Variants in PRDM5 observed in about 807,000 individuals in gnomAD.
PRDM5 encodes PR/SET domain 5, also known as PR domain zinc finger protein 5.
PRDM5 carries 56 observed loss-of-function variants against 81.2 expected under a neutral mutation model. The ratio of observed to expected loss-of-function variants is 0.69; its 90% CI spans 0.56 to 0.86. PRDM5 has a LOEUF of 0.86. Ranked by LOEUF, PRDM5 falls within the 40% of genes least tolerant of loss-of-function variation. The pLI, the probability that PRDM5 is intolerant of heterozygous loss-of-function variation, is 0.00. For synonymous variants in PRDM5, 267 were observed against 256.4 expected, an observed-to-expected ratio of 1.04 and a Z score of -0.39; for missense variants, 697 against 770.1, an observed-to-expected ratio of 0.91 and a Z score of 1.12.
At chr4:120,809,529 G>A (rs1312280309) in intron 8 of PRDM5, among the ~76,000 whole-genome samples, 2 of 152,102 alleles carry the variant, frequency 1.3e-5, no homozygotes, top group Non-Finnish European at 2.9e-5. Flanking sequence ...AAAATTTACA[G>A]TGTACCAAAT....
At position 120,811,380 on chromosome 4, in the gene PRDM5, T is replaced by C. The variant is rs1753813758; in HGVS notation, c.935A>G (p.Glu312Gly). Reference sequence around the variant, plus strand: ...TTTTATCTTACTGACCTTTCTATGTTCCTGTAGGCTTGATGCTGAAGAACA... The same window carrying C: ...TTTTATCTTACTGACCTTTCTATGTCCCTGTAGGCTTGATGCTGAAGAACA... ...KKCSSASSLQ[E>G]HRKIHEIFDC... The change falls in exon 8 of 16, where the codon GAA (glutamate) becomes GGA (glycine). Residue 312 changes from glutamate to glycine, a missense_variant. Glu to Gly is a moderately conservative substitution (Grantham distance 98). Coordinates refer to ENST00000264808, the MANE Select transcript of PRDM5 (RefSeq NM_018699.4). 1.3e-6 allele frequency: 2 copies of C among 1,593,386 alleles called. No individual in the cohort carries two copies. The highest frequency in any genetic ancestry group is 4.5e-5 in the East Asian group (2 of 44,384).
At chr4:120,749,022 C>T (rs1198519032) in intron 14 of PRDM5, among the ~76,000 whole-genome samples, 1 of 152,048 alleles carries the variant, frequency 6.6e-6, no homozygotes, top group African/African-American at 2.4e-5. Context: ...GAAAAGTTAT[C>T]CTCAAAAACC....
At chr4:120,686,737 C>T (rs1045656697) in intron 1 of PRDM5, among the ~76,000 whole-genome samples, 4 of 151,934 alleles carry the variant, frequency 2.6e-5, no homozygotes, top group African/African-American at 9.7e-5. Flanking sequence ...CATTCCCTTC[C>T]CCTTCCCCAA....
At chr4:120,858,926 G>T (rs2667193) in intron 2 of PRDM5, among the ~76,000 whole-genome samples, 4,624 of 152,228 alleles carry the variant, frequency 0.03, 236 homozygotes, top group African/African-American at 0.11. Flanking sequence ...TGTCATCCAA[G>T]GCTCTGACTA....
intron 2 of PRDM5, among the ~76,000 whole-genome samples, chr4:120,897,972 A>G (rs1193176476): frequency 1.3e-5 from 2 of 152,126 alleles, no homozygotes; most frequent in Non-Finnish European, 2.9e-5. Flanking sequence ...ATTTTTAGTG[A>G]TATGGTCCTA....
At chr4:120,775,844 A>C (rs1029753140) in intron 13 of PRDM5, among the ~76,000 whole-genome samples, 2 of 152,154 alleles carry the variant, frequency 1.3e-5, no homozygotes, top group East Asian at 3.9e-4. Context: ...CCACAAATAC[A>C]CATAAAAGAG....
At chr4:120,882,362 G>A (rs907829183) in intron 2 of PRDM5, among the ~76,000 whole-genome samples, 1 of 152,156 alleles carries the variant, frequency 6.6e-6, no homozygotes, top group Non-Finnish European at 1.5e-5. Flanking sequence ...TGGCCAGGCT[G>A]GTTTCGAACT....
intron 13 of PRDM5, among the ~76,000 whole-genome samples, chr4:120,768,526 CA>C (rs1252252093): frequency 2.2e-4 from 33 of 152,222 alleles, no homozygotes; most frequent in African/African-American, 7.5e-4. Context: ...AAGCAAAGTA[CA>C]GTGTAATATA....
chr4:120,742,134 C>G (rs1742115311), intron 14 of PRDM5, among the ~76,000 whole-genome samples: 1 of 152,242 alleles, frequency 6.6e-6, no homozygotes, highest in Non-Finnish European at 1.5e-5. Context: ...ACCCCCCGAG[C>G]AGCCTAACTG....
chr4:120,701,176 AC>A (rs1735304468), intron 15 of PRDM5, among the ~76,000 whole-genome samples: 1 of 151,956 alleles, frequency 6.6e-6, no homozygotes, highest in African/African-American at 2.4e-5. Context: ...AAAAAAAACA[AC>A]AGATGCTGGT....
chr4:120,813,774 G>A (rs556610283), intron 7 of PRDM5, among the ~76,000 whole-genome samples: 1 of 152,298 alleles, frequency 6.6e-6, no homozygotes, highest in African/African-American at 2.4e-5. Context: ...TAGTTGGGAT[G>A]GTCCATCTTC....
chr4:120,695,403 C>T (rs899037105), intron 15 of PRDM5, 128 bp from the exon 16 acceptor site: 26 of 1,019,026 alleles, frequency 2.6e-5, no homozygotes, highest in African/African-American at 2.3e-4. Context: ...CCTTTGTACC[C>T]GAGTCACCCT....
At chr4:120,771,945 A>C (rs1263671899) in intron 13 of PRDM5, among the ~76,000 whole-genome samples, 3 of 152,242 alleles carry the variant, frequency 2.0e-5, no homozygotes, top group Non-Finnish European at 4.4e-5. Context: ...AGTATTTTAC[A>C]TACATGATTT....
chr4:120,742,478 T>C (rs1221298476), intron 14 of PRDM5, among the ~76,000 whole-genome samples: 1 of 152,112 alleles, frequency 6.6e-6, no homozygotes. Flanking sequence ...ATCAAATTAC[T>C]CTGAGCTACA....
At chr4:120,795,828 A>G (rs1219736745) in intron 10 of PRDM5, among the ~76,000 whole-genome samples, 1 of 152,096 alleles carries the variant, frequency 6.6e-6, no homozygotes, top group Non-Finnish European at 1.5e-5. Flanking sequence ...CACAAGAATC[A>G]CTTGAACCTG....
chr4:120,829,147 T>C (rs1756395000), intron 3 of PRDM5, among the ~76,000 whole-genome samples: 1 of 152,074 alleles, frequency 6.6e-6, no homozygotes, highest in African/African-American at 2.4e-5. Context: ...AAAGCTGGAA[T>C]ATACAACCTT....
intron 14 of PRDM5, among the ~76,000 whole-genome samples, chr4:120,737,730 C>T (rs574728738): frequency 9.9e-5 from 15 of 152,228 alleles, no homozygotes; most frequent in Non-Finnish European, 2.2e-4. Flanking sequence ...GAGTGACTCC[C>T]AGCTCCACTG....
intron 11 of PRDM5, among the ~76,000 whole-genome samples, chr4:120,782,804 G>T (rs1044653331): frequency 6.6e-6 from 1 of 152,018 alleles, no homozygotes; most frequent in Non-Finnish European, 1.5e-5. Context: ...TTCAGGTACT[G>T]AAAGAGATCT....
intron 15 of PRDM5, among the ~76,000 whole-genome samples, chr4:120,704,358 G>A (rs1183905318): frequency 6.6e-6 from 1 of 152,164 alleles, no homozygotes; most frequent in Non-Finnish European, 1.5e-5. Context: ...ACAGGGGAGA[G>A]CAAAAACTAG....
Sources: gnomAD v4.1 joint callset for allele counts (sites outside exome capture counted in the v4.1 genomes callset) on GRCh38, gnomAD v4.1.1 for gene constraint, MANE v1.5 for transcripts, NCBI Gene and HGNC (gene_info 2026-07-23, HGNC 2026-07-21) for gene names.